KRT40: variants seen among roughly 807,000 people sequenced by gnomAD.
KRT40 encodes keratin 40, also known as keratin, type I cytoskeletal 40.
In KRT40, 47 loss-of-function variants were observed where a neutral mutation model predicts 43.5. The observed-to-expected ratio is 1.08, with a 90% CI of 0.86 to 1.38. KRT40 has a LOEUF of 1.38. Among genes scored for constraint, KRT40 ranks in the 40% most tolerant of loss-of-function variants. The probability of loss-of-function intolerance (pLI) is 0.00; values close to 1 mark genes in which losing one functional copy is unlikely to be tolerated. For missense variants in KRT40, 573 were observed against 523.6 expected (o/e 1.09, Z -0.92); for synonymous variants, 212 against 214.0 (o/e 0.99, Z 0.08).
chr17:40,982,660 TGTG>T (rs1912238173), intron 2 of KRT40, among the ~76,000 whole-genome samples, 197 bp from the exon 3 acceptor site: 1 of 134,160 alleles, frequency 7.5e-6, no homozygotes, highest in African/African-American at 3.4e-5. Flanking sequence ...TGTGTGTGTG[TGTG>T]TGTGAGAGAG....
intron 6 of KRT40, 31 bp downstream of exon 6, chr17:40,978,772 TG>T (rs745676526): frequency 1.8e-5 from 28 of 1,575,366 alleles, no homozygotes; most frequent in Admixed American, 8.4e-5. Context: ...TTTGTGACTC[TG>T]GGGGATTTCA....
chr17:40,984,283 A>C lies in KRT40; in HGVS notation c.-10T>G, dbSNP rs1912356296. The C allele has an allele frequency of 5.7e-6, 9 of 1,590,456 alleles. No homozygotes were observed. The highest frequency in any genetic ancestry group is 7.7e-6 in the Non-Finnish European group (9 of 1,164,008). On this transcript the variant is annotated 5_prime_UTR_variant, in exon 1 of 7. Coordinates refer to ENST00000377755, the MANE Select transcript of KRT40 (RefSeq NM_001389244.1). The stretch of plus-strand genomic sequence containing the variant: ...AGCAGTCAGAAGTCATCCTTCCAGA[A>C]GCAAAGACAGAGACTGGCTGCAAAA...
upstream of KRT40, chr17:40,984,330 A>C: frequency 7.3e-7 from 1 of 1,361,438 alleles, no homozygotes; most frequent in Non-Finnish European, 1.0e-6. Flanking sequence ...TTGACTCCAA[A>C]ACTCTCCTCT....
In KRT40 at chr17:40,981,054, C is replaced by G; in HGVS notation, c.785G>C (p.Arg262Pro). Reference protein sequence around the residue: ...LDLNRVLDEMRCQCETVLANN... With the variant: ...LDLNRVLDEMPCQCETVLANN... ...GGCAAGCACCGTTTCACACTGACAG[C>G]GCATCTCATCCAGGACCCTGTTGAG... The change falls in exon 4 of 7, where the codon CGC becomes CCC. Residue 262 changes from arginine (R) to proline (P), a missense_variant. Coordinates refer to ENST00000377755, the MANE Select transcript of KRT40 (RefSeq NM_001389244.1). The G allele has an allele frequency of 1.2e-6, 2 of 1,614,242 alleles. No homozygotes were observed. The highest frequency in any genetic ancestry group is 8.5e-7 in the Non-Finnish European group (1 of 1,180,044).
At chr17:40,981,983 A>T (rs1046941988) in intron 3 of KRT40, among the ~76,000 whole-genome samples, 19 of 151,994 alleles carry the variant, frequency 1.3e-4, no homozygotes, top group Non-Finnish European at 2.4e-4. Context: ...AGTTCAAGTG[A>T]TTCTCCTGCC....
intron 5 of KRT40, among the ~76,000 whole-genome samples, chr17:40,979,808 G>T (rs1258953542): frequency 6.6e-6 from 1 of 152,118 alleles, no homozygotes; most frequent in African/African-American, 2.4e-5. Context: ...TAGACAGAAA[G>T]AATATGTTTT....
In KRT40 at chr17:40,981,158, G is replaced by A. The variant is rs748678702; in HGVS notation, c.688-7C>T. 3 of 1,613,622 alleles carry A rather than the reference G, an allele frequency of 1.9e-6. No individual in the cohort carries two copies. The South Asian group carries it at 3.3e-5, about 18-fold the overall frequency. On this transcript the variant is annotated splice_polypyrimidine_tract_variant and splice_region_variant and intron_variant, in intron 3 of 6. Coordinates refer to ENST00000377755, the MANE Select transcript of KRT40 (RefSeq NM_001389244.1). ...CACGAAGCAAGTTGACTTCCTGAAA[G>A]TGGGATGGTGTAAAGAATGTCACAG...
In KRT40 at chr17:40,978,165, G is replaced by A. The variant is rs1911888162; in HGVS notation, c.*32C>T. On this transcript the variant is annotated 3_prime_UTR_variant, in exon 7 of 7. Transcript: ENST00000377755. ...CCATCTCCTTTCTAGGATGCTGCTG[G>A]CTTTGATTCCTCTACCTGCTGTCCT... 2 of 1,520,488 alleles carry A rather than the reference G, an allele frequency of 1.3e-6. No individual in the cohort carries two copies. Among genetic ancestry groups the A allele is most frequent in the East Asian group, 4.5e-5 (2 of 44,424 alleles). 94.2% of individuals were successfully genotyped at this position (1,520,488 alleles called of 1,614,324 possible). A position where few individuals can be genotyped will look rare whatever the true frequency, so the allele number is the denominator to read the frequency against.
At position 40,983,931 on chromosome 17, in the gene KRT40, C is replaced by T. The variant is rs151267951; in HGVS notation, c.343G>A (p.Ala115Thr). The T allele has an allele frequency of 1.3e-3, 2,065 of 1,614,076 alleles. 21 individuals carry two copies. The African/African-American group carries it at 0.023, about 18-fold the overall frequency. The part of the protein sequence containing the change: ...EKVRSLEETN[A>T]ELESRIQEQC... The stretch of plus-strand genomic sequence containing the variant: ...TCTTGGATCCTGGATTCCAGCTCTG[C>T]GTTGGTCTCCTCCAGGCTGCGCACC... The change falls in exon 1 of 7, where the codon GCA becomes ACA. Residue 115 changes from alanine to threonine, a missense_variant. Ala to Thr is a moderately conservative substitution (Grantham distance 58, BLOSUM62 0). Transcript: ENST00000377755.
chr17:40,978,336 A>G (rs1287944728), intron 6 of KRT40, 40 bp from the exon 7 acceptor site: 20 of 1,515,964 alleles, frequency 1.3e-5, no homozygotes, highest in Non-Finnish European at 9.2e-6. Flanking sequence ...TAACAAGGGA[A>G]TGTTGATAAA....
chr17:40,978,101 G>A lies in KRT40; in HGVS notation c.*96C>T. ...CAATTCCAGGATATGAGAGCCTCCT[G>A]GATTTGTGCTTCCGGTTTGGATGTC... On this transcript the variant is annotated 3_prime_UTR_variant, in exon 7 of 7. Transcript: ENST00000377755. The A allele has an allele frequency of 2.3e-6, 2 of 882,238 alleles. No individual in the cohort carries two copies. The highest frequency in any genetic ancestry group is 2.4e-5 in the East Asian group (1 of 41,110). 54.7% of individuals were successfully genotyped at this position (882,238 alleles called of 1,614,324 possible).
At position 40,983,815 on chromosome 17, in the gene KRT40, C is replaced by A. The variant is rs752449914; in HGVS notation, c.447+12G>T. 7.5e-6 allele frequency: 12 copies of A among 1,610,204 alleles called. No homozygotes were observed. The highest frequency in any genetic ancestry group is 1.0e-5 in the Non-Finnish European group (12 of 1,176,934). On this transcript the variant is annotated intron_variant, in intron 1 of 6. Coordinates refer to ENST00000377755, the MANE Select transcript of KRT40 (RefSeq NM_001389244.1). ...TCAGGAAGGTGGAGCACTAGGGCAA[C>A]AGGACACAGACCTTTTGTTGGAGAT...
chr17:40,979,980 A>G (rs35915666), intron 5 of KRT40, among the ~76,000 whole-genome samples: 58,120 of 151,978 alleles, frequency 0.38, 13,460 homozygotes, highest in African/African-American at 0.66. Flanking sequence ...TACACATTCT[A>G]TGCATGTAAC....
rs760357609 is a variant in KRT40, at chr17:40,981,088, T to C, written c.751A>G (p.Thr251Ala). The change falls in exon 4 of 7, where the codon ACC becomes GCC. Residue 251 changes from threonine to alanine, a missense_variant. Coordinates refer to ENST00000377755, the MANE Select transcript of KRT40 (RefSeq NM_001389244.1). The stretch of plus-strand genomic sequence containing the variant: ...TCCAGGACCCTGTTGAGGTCAAGGG[T>C]GGGGGCAGTGTCCAGCTCCACACTG... ...RLSVELDTAP[T>A]LDLNRVLDEM... 1.2e-6 allele frequency: 2 copies of C among 1,614,116 alleles called. No individual in the cohort carries two copies. The highest frequency in any genetic ancestry group is 4.5e-5 in the East Asian group (2 of 44,886).
At position 40,984,004 on chromosome 17, in the gene KRT40, C is replaced by T. The variant is rs767246403; in HGVS notation, c.270G>A (p.Lys90=). ...TGTCATTCAGGAACTGCATCGTCTC[C>T]TTCTCATTGCTAGTGAACACCCCAT... The part of the protein sequence containing the change: ...CEDGVFTSNE[K]ETMQFLNDRL... Residue 90 remains lysine (K), a synonymous_variant, in exon 1 of 7, where the codon AAG becomes AAA. Coordinates refer to ENST00000377755, the MANE Select transcript of KRT40 (RefSeq NM_001389244.1). The T allele has an allele frequency of 1.1e-5, 17 of 1,613,996 alleles. No homozygotes were observed. Among genetic ancestry groups the T allele is most frequent in the Non-Finnish European group, 1.4e-5 (16 of 1,180,030 alleles).
intron 1 of KRT40, 129 bp from the exon 2 acceptor site, chr17:40,983,257 GC>G (rs1418007113): frequency 4.0e-6 from 2 of 494,892 alleles, no homozygotes; most frequent in Admixed American, 6.2e-5. Context: ...CCCTCAGCCT[GC>G]TTTTTTTTAT....
chr17:40,985,038 A>G (rs1178572212), upstream of KRT40, among the ~76,000 whole-genome samples: 1 of 152,210 alleles, frequency 6.6e-6, no homozygotes, highest in Non-Finnish European at 1.5e-5. Flanking sequence ...TTATTGTTAG[A>G]TAAGTTATAC....
rs778363055 is a variant in KRT40, at chr17:40,983,117, C to T, written c.459G>A (p.Thr153=). 6.1e-6 allele frequency: 9 copies of T among 1,476,262 alleles called. No homozygotes were observed. Among genetic ancestry groups the T allele is most frequent in the South Asian group, 1.2e-5 (1 of 85,490 alleles). The allele number at this position is 1,476,262 out of a possible 1,614,324, so 91.4% of individuals were successfully genotyped here. Residue 153 remains threonine, a synonymous_variant, in exon 2 of 7, where the codon ACG becomes ACA. Coordinates refer to ENST00000377755, the MANE Select transcript of KRT40 (RefSeq NM_001389244.1). The part of the protein sequence containing the change: ...IEDLQQKILC[T]KAENSRLAVQ... ...CAGCAAGTCTAGAATTCTCTGCTTT[C>T]GTGCATAAGATCTGGGAAGCAAGTC...
At chr17:40,985,762 A>G (rs1016513089), upstream of KRT40, among the ~76,000 whole-genome samples, 1 of 152,200 alleles carries the variant, frequency 6.6e-6, no homozygotes, top group Non-Finnish European at 1.5e-5. Context: ...GCTGCTCTGC[A>G]ACAAATATGA....
Sources: allele counts gnomAD v4.1 joint callset (sites outside exome capture counted in the v4.1 genomes callset), GRCh38; gene constraint gnomAD v4.1.1; transcripts MANE v1.5; gene names NCBI Gene and HGNC (gene_info 2026-07-23, HGNC 2026-07-21).